Variants in NLRP8 observed in about 807,000 individuals in gnomAD.
The protein encoded by NLRP8 is NACHT, LRR and PYD domains-containing protein 8.
Under a neutral mutation model 88.7 loss-of-function variants are expected in NLRP8, and 86 were observed. The observed-to-expected ratio is 0.97, with a 90% CI of 0.81 to 1.16. The LOEUF (loss-of-function observed/expected upper bound fraction) is 1.16, where lower values mean the gene tolerates loss of function less well. Ranked by LOEUF, NLRP8 falls within the 50% of genes most tolerant of loss-of-function variation. NLRP8 has a pLI of 0.00. For missense variants in NLRP8, 1,342 were observed against 1,286.5 expected (o/e 1.04, Z -0.66); for synonymous variants, 504 against 494.6 (o/e 1.02, Z -0.25).
Position 55,948,042 on chromosome 19 carries a change from A to T in NLRP8, c.140A>T (p.Asn47Ile). Residue 47 changes from asparagine to isoleucine, a missense_variant, in exon 1 of 10, where the codon AAC (asparagine) becomes ATC (isoleucine). Physicochemically the swap from Asn to Ile is moderately radical, Grantham distance 149. Transcript: ENST00000291971. The stretch of plus-strand genomic sequence containing the variant: ...AATGGGGTCATGCTGTACATGAGAA[A>T]CGTGAGCCATGAGGAGCTACAACGG... 6.2e-7 allele frequency: 1 copy of T among 1,614,106 alleles called. No individual in the cohort carries two copies. Among genetic ancestry groups the T allele is most frequent in the Non-Finnish European group, 8.5e-7 (1 of 1,180,028 alleles).
intron 9 of NLRP8, among the ~76,000 whole-genome samples, chr19:55,980,480 G>A (rs1980525180): frequency 6.6e-6 from 1 of 152,204 alleles, no homozygotes; most frequent in Non-Finnish European, 1.5e-5. Flanking sequence ...ATGTAACTGG[G>A]AGGTTCTAGC....
At chr19:55,948,558 C>G (rs1337790542) in intron 1 of NLRP8, among the ~76,000 whole-genome samples, 1 of 152,150 alleles carries the variant, frequency 6.6e-6, no homozygotes, top group Non-Finnish European at 1.5e-5. Context: ...GCCTCAGCCT[C>G]CTGAGTAGCT....
At position 55,988,178 on chromosome 19, in the gene NLRP8, G is replaced by C; in HGVS notation, c.*265G>C. ...AGGTCGAGGTGGGCAGATTACCTGAGGTCAGGAGTTCCAGACCAGCCTGGC... is the reference window on the plus strand; with the variant it reads ...AGGTCGAGGTGGGCAGATTACCTGACGTCAGGAGTTCCAGACCAGCCTGGC... On this transcript the variant is annotated 3_prime_UTR_variant, in exon 10 of 10. Transcript: ENST00000291971. The C allele has an allele frequency of 4.2e-6, 1 of 238,690 alleles. No homozygotes were observed. Among genetic ancestry groups the C allele is most frequent in the African/African-American group, 2.3e-5 (1 of 43,992 alleles). 14.8% of individuals were successfully genotyped at this position (238,690 alleles called of 1,614,324 possible). A position where few individuals can be genotyped will look rare whatever the true frequency, so the allele number is the denominator to read the frequency against.
chr19:55,952,115 T>C (rs1027344811), intron 1 of NLRP8, among the ~76,000 whole-genome samples: 5 of 152,200 alleles, frequency 3.3e-5, no homozygotes, highest in African/African-American at 9.6e-5. Flanking sequence ...TAGTTTATGT[T>C]CCATCCTCAG....
chr19:55,973,570 G>C (rs1264680932), intron 6 of NLRP8, 82 bp from the exon 7 acceptor site: 5 of 1,298,442 alleles, frequency 3.9e-6, no homozygotes, highest in Middle Eastern at 3.9e-4. Context: ...TCCAGAGGGA[G>C]AGCCCTGACT....
At chr19:55,968,405 C>A (rs891185218) in intron 5 of NLRP8, among the ~76,000 whole-genome samples, 1 of 151,900 alleles carries the variant, frequency 6.6e-6, no homozygotes, top group Non-Finnish European at 1.5e-5. Flanking sequence ...CGCCATTGCA[C>A]TCCAGCCTGG....
At chr19:55,967,104 T>C (rs2123208054) in intron 5 of NLRP8, among the ~76,000 whole-genome samples, 1 of 152,374 alleles carries the variant, frequency 6.6e-6, no homozygotes, top group East Asian at 1.9e-4. Context: ...TATTTTGGAA[T>C]GTACAATTTA....
At chr19:55,965,405 C>T (rs1034406372) in intron 4 of NLRP8, among the ~76,000 whole-genome samples, 2 of 151,290 alleles carry the variant, frequency 1.3e-5, no homozygotes, top group African/African-American at 2.4e-5. Context: ...AAGCTGAGAT[C>T]GCACCACTGC....
intron 5 of NLRP8, among the ~76,000 whole-genome samples, chr19:55,968,193 C>A (rs1357510304): frequency 1.3e-5 from 2 of 152,164 alleles, no homozygotes; most frequent in African/African-American, 4.8e-5. Context: ...AATCCCAGCC[C>A]TTTGGGAGGC....
intron 4 of NLRP8, 59 bp from the exon 5 acceptor site, chr19:55,966,154 A>G (rs2123206518): frequency 1.3e-6 from 2 of 1,548,600 alleles, no homozygotes; most frequent in Middle Eastern, 3.5e-4. Context: ...TTGTGAGGCC[A>G]CAGAATTCTA....
chr19:55,964,527 G>A (rs1009937252), intron 4 of NLRP8, among the ~76,000 whole-genome samples: 4 of 152,186 alleles, frequency 2.6e-5, no homozygotes, highest in African/African-American at 7.2e-5. Flanking sequence ...CAAGGTGGGC[G>A]GATTGCCTGA....
At chr19:55,964,490 G>T (rs182589956) in intron 4 of NLRP8, among the ~76,000 whole-genome samples, 3 of 152,160 alleles carry the variant, frequency 2.0e-5, no homozygotes, top group Admixed American at 6.5e-5. Flanking sequence ...GGTGGCTCAC[G>T]CCGGTAATCC....
rs1310688232 is a variant in NLRP8 at position 55,954,568 on chromosome 19, G to T, written c.510G>T (p.Trp170Cys). Residue 170 changes from tryptophan (W) to cysteine (C), a missense_variant, in exon 3 of 10, where the codon TGG (tryptophan) becomes TGT (cysteine). Coordinates refer to ENST00000291971, the MANE Select transcript of NLRP8 (RefSeq NM_176811.2). ...TCCCCATATGGGACATTACGACTTG[G>T]CCTGGAAACCAGAGGGACTTCTTCT... The T allele has an allele frequency of 6.2e-7, 1 of 1,614,168 alleles. No individual in the cohort carries two copies. The highest frequency in any genetic ancestry group is 8.5e-7 in the Non-Finnish European group (1 of 1,180,032).
chr19:55,980,504 C>T (rs112528199), intron 9 of NLRP8, among the ~76,000 whole-genome samples: 2,926 of 152,278 alleles, frequency 0.019, 42 homozygotes, highest in Middle Eastern at 0.031. Context: ...TGGTATCTCC[C>T]GAGGTCTCAG....
chr19:55,947,892 C>G lies in NLRP8; in HGVS notation c.-11C>G, dbSNP rs774486775. On this transcript the variant is annotated 5_prime_UTR_variant, in exon 1 of 10. Coordinates refer to ENST00000291971, the MANE Select transcript of NLRP8 (RefSeq NM_176811.2). ...TCGTGGACACTGAGGTGTTCTCTGC[C>G]TTGACTAAAGATGAGTGACGTGAAT... 6.2e-7 allele frequency: 1 copy of G among 1,602,258 alleles called. No individual in the cohort carries two copies. Among genetic ancestry groups the G allele is most frequent in the Non-Finnish European group, 8.5e-7 (1 of 1,173,162 alleles).
At position 55,954,553 on chromosome 19, in the gene NLRP8, G is replaced by C; in HGVS notation, c.495G>C (p.Trp165Cys). 1 of 1,614,076 alleles carries C rather than the reference G, an allele frequency of 6.2e-7. No individual in the cohort carries two copies. Among genetic ancestry groups the C allele is most frequent in the Non-Finnish European group, 8.5e-7 (1 of 1,180,018 alleles). Residue 165 changes from tryptophan (W) to cysteine (C), a missense_variant, in exon 3 of 10, where the codon TGG becomes TGC. By Grantham distance (215) the Trp-to-Cys change is radical. Coordinates refer to ENST00000291971, the MANE Select transcript of NLRP8 (RefSeq NM_176811.2). The stretch of plus-strand genomic sequence containing the variant: ...TGATGGAAAAGTTTTTCCCCATATG[G>C]GACATTACGACTTGGCCTGGAAACC...
At chr19:55,959,305 T>G (rs910698307) in intron 3 of NLRP8, among the ~76,000 whole-genome samples, 11 of 146,440 alleles carry the variant, frequency 7.5e-5, no homozygotes, top group South Asian at 2.2e-4. Context: ...TCCGCCTCCC[T>G]GGTTCACGCC....
intron 9 of NLRP8, among the ~76,000 whole-genome samples, chr19:55,985,042 G>C (rs10426258): frequency 0.011 from 1,641 of 152,258 alleles, 38 homozygotes; most frequent in African/African-American, 0.037. Context: ...GGTGGCTCAC[G>C]CCTGTCATCC....
At chr19:55,969,952 C>A (rs1037715017) in intron 5 of NLRP8, among the ~76,000 whole-genome samples, 1 of 152,156 alleles carries the variant, frequency 6.6e-6, no homozygotes, top group Non-Finnish European at 1.5e-5. Flanking sequence ...ACTCAGGAAA[C>A]CTTCTCTAAC....
Sources: allele counts gnomAD v4.1 joint callset (sites outside exome capture counted in the v4.1 genomes callset), GRCh38; gene constraint gnomAD v4.1.1; transcripts MANE v1.5; gene names NCBI Gene and HGNC (gene_info 2026-07-23, HGNC 2026-07-21).